The following PPP2R2C variants were observed in gnomAD, a reference collection of about 807,000 sequenced individuals.
The protein encoded by PPP2R2C is protein phosphatase 2 regulatory subunit Bgamma.
A neutral mutation model predicts 45.3 loss-of-function variants in PPP2R2C; 10 were observed. That is an observed-to-expected ratio of 0.22 (90% CI 0.14 to 0.37). The LOEUF (loss-of-function observed/expected upper bound fraction) is 0.37. PPP2R2C is among the 10% of genes least tolerant of loss of function. The probability of loss-of-function intolerance (pLI) is 1.00; values close to 1 mark genes in which losing one functional copy is unlikely to be tolerated. For synonymous variants in PPP2R2C, 257 were observed against 245.4 expected, an observed-to-expected ratio of 1.05 and a Z score of -0.44; for missense variants, 308 against 619.7, an observed-to-expected ratio of 0.50 and a Z score of 5.34.
At chr4:6,472,833 G>T (rs1019106582), upstream of PPP2R2C, among the ~76,000 whole-genome samples, 4 of 152,172 alleles carry the variant, frequency 2.6e-5, no homozygotes, top group South Asian at 2.1e-4. Context: ...GCTGAGCTTG[G>T]GGGGAGGGTA....
chr4:6,346,205 C>T (rs1711903432), intron 6 of PPP2R2C, among the ~76,000 whole-genome samples: 1 of 152,218 alleles, frequency 6.6e-6, no homozygotes, highest in South Asian at 2.1e-4. Context: ...CCCGGGGACC[C>T]TCTGCGGCGT....
intron 1 of PPP2R2C, among the ~76,000 whole-genome samples, chr4:6,388,617 G>A (rs559799170): frequency 1.2e-4 from 19 of 152,224 alleles, no homozygotes; most frequent in Non-Finnish European, 2.4e-4. Flanking sequence ...AGAATGAAGG[G>A]CAGGACGGGC....
rs553734061 is a variant in PPP2R2C at position 6,322,085 on chromosome 4, T to C, written c.*1217A>G. 4.4e-4 allele frequency: 66 copies of C among 151,272 alleles called. No individual in the cohort carries two copies. Among genetic ancestry groups the C allele is most frequent in the African/African-American group, 1.6e-3 (64 of 41,242 alleles). The allele number at this position is 151,272 out of a possible 1,614,324, so 9.4% of individuals were successfully genotyped here. A position where few individuals can be genotyped will look rare whatever the true frequency, so the allele number is the denominator to read the frequency against. On this transcript the variant is annotated 3_prime_UTR_variant, in exon 9 of 9. Transcript: ENST00000382599. The surrounding 1 kb of genome is among the most constrained non-coding windows in gnomAD (Gnocchi z 7.8). ...CTCTGTCTTCCATCCTGCGTCTCAG[T>C]TCTCCTGGACCCTTGTCGTCGCCAA...
intron 2 of PPP2R2C, among the ~76,000 whole-genome samples, chr4:6,491,755 C>T (rs112676785): frequency 0.03 from 4,583 of 152,232 alleles, 231 homozygotes; most frequent in African/African-American, 0.1. Context: ...ACGGCACTTC[C>T]CCCTTCTCTC....
intron 1 of PPP2R2C, among the ~76,000 whole-genome samples, chr4:6,390,291 C>A (rs1299213165): frequency 1.3e-5 from 2 of 152,160 alleles, no homozygotes; most frequent in Admixed American, 6.5e-5. Flanking sequence ...GGCCACAGGA[C>A]ATACAGCGGG....
At chr4:6,417,677 C>G (rs772542183) in intron 1 of PPP2R2C, among the ~76,000 whole-genome samples, 3 of 152,248 alleles carry the variant, frequency 2.0e-5, no homozygotes, top group Non-Finnish European at 4.4e-5. Context: ...ATGGCCACAT[C>G]CTTGCAGCAG....
chr4:6,528,202 T>G (rs1010687898), intron 2 of PPP2R2C, among the ~76,000 whole-genome samples: 2 of 152,134 alleles, frequency 1.3e-5, no homozygotes, highest in African/African-American at 4.8e-5. Context: ...AAACATCTCT[T>G]CCTCTTCCCG....
chr4:6,337,467 T>C (rs6830667), intron 6 of PPP2R2C, among the ~76,000 whole-genome samples: 88,503 of 151,642 alleles, frequency 0.58, 26,186 homozygotes, highest in Middle Eastern at 0.65. Context: ...AGGCTTTCTG[T>C]CACTTGGAGG....
At chr4:6,409,454 G>A (rs1313537571) in intron 1 of PPP2R2C, among the ~76,000 whole-genome samples, 1 of 152,140 alleles carries the variant, frequency 6.6e-6, no homozygotes, top group Admixed American at 6.5e-5. Context: ...TGGAGCGGAG[G>A]AACCGAGAAC....
chr4:6,337,112 G>GTGTGTGTGTA (rs1202845732), intron 6 of PPP2R2C, among the ~76,000 whole-genome samples: 11 of 30,100 alleles, frequency 3.7e-4, no homozygotes, highest in Admixed American at 1.0e-3. Flanking sequence ...ATGTGTGTGT[G>GTGTGTGTGTA]TATATATATA....
intron 2 of PPP2R2C, among the ~76,000 whole-genome samples, chr4:6,517,284 A>G (rs1723854678): frequency 6.6e-6 from 1 of 152,194 alleles, no homozygotes; most frequent in Admixed American, 6.5e-5. Flanking sequence ...TGCTGGGCAC[A>G]CAACTGAATC....
chr4:6,480,250 C>CT (rs1350698701), intron 2 of PPP2R2C, among the ~76,000 whole-genome samples: 2 of 152,138 alleles, frequency 1.3e-5, no homozygotes, highest in South Asian at 2.1e-4. Context: ...CTACAAACTG[C>CT]TTTTTTTCCT....
rs1721906040 is a variant in PPP2R2C, at chr4:6,471,885, G to A, written c.70+275C>T. Among the ~76,000 whole-genome samples, 1 of 151,778 alleles carries A rather than the reference G, an allele frequency of 6.6e-6. No homozygotes were observed. Among genetic ancestry groups the A allele is most frequent in the Non-Finnish European group, 1.5e-5 (1 of 67,940 alleles). ...CCGAATCAGGATGCCACCTGGCTTG[G>A]GAGAGGAAAGCTGCCTCCCGGAGGG... On this transcript the variant is annotated intron_variant, in intron 1 of 8. Coordinates refer to ENST00000382599, the MANE Select transcript of PPP2R2C (RefSeq NM_020416.4). The surrounding 1 kb of genome is among the most constrained non-coding windows in gnomAD (Gnocchi z 5.6).
At chr4:6,386,822 T>C (rs562245648) in intron 1 of PPP2R2C, among the ~76,000 whole-genome samples, 4 of 152,272 alleles carry the variant, frequency 2.6e-5, no homozygotes, top group South Asian at 4.1e-4. Context: ...ATGATAACTG[T>C]GTTAAAAGAC....
chr4:6,334,117 T>C (rs2109177193), intron 6 of PPP2R2C, among the ~76,000 whole-genome samples: 1 of 152,304 alleles, frequency 6.6e-6, no homozygotes, highest in Middle Eastern at 3.4e-3. Flanking sequence ...TCAAATGTGC[T>C]GGACAATGTC....
chr4:6,528,436 C>G (rs1724286190), intron 2 of PPP2R2C, among the ~76,000 whole-genome samples: 1 of 152,216 alleles, frequency 6.6e-6, no homozygotes, highest in Non-Finnish European at 1.5e-5. Context: ...TCCTGCAGAC[C>G]TAGGCAAGGT....
chr4:6,502,276 C>G (rs1477055072), intron 2 of PPP2R2C, among the ~76,000 whole-genome samples: 1 of 152,202 alleles, frequency 6.6e-6, no homozygotes, highest in Non-Finnish European at 1.5e-5. Flanking sequence ...TTGAAGTCCA[C>G]AGGGGCTTTC....
At chr4:6,480,017 C>A (rs1167112827) in intron 2 of PPP2R2C, among the ~76,000 whole-genome samples, 1 of 152,048 alleles carries the variant, frequency 6.6e-6, no homozygotes, top group African/African-American at 2.4e-5. Context: ...AGCTTTGCTT[C>A]GGTTCTTTTC....
In PPP2R2C at chr4:6,357,813, G is replaced by C. The variant is rs146395826; in HGVS notation, c.626-9803C>G. 4.9e-3 allele frequency among the ~76,000 whole-genome samples: 747 copies of C among 152,278 alleles called. 4 individuals carry two copies. In the Middle Eastern group the frequency reaches 0.054, roughly 11 times the overall value. ...CTGCACCTGGGGGAGTCAGCAAAGC[G>C]GGGTTTCTTCCACCCAAGAGTGAAG... On this transcript the variant is annotated intron_variant, in intron 5 of 8. Transcript: ENST00000382599.
Sources: allele counts gnomAD v4.1 joint callset (sites outside exome capture counted in the v4.1 genomes callset), GRCh38; gene constraint gnomAD v4.1.1; non-coding constraint Gnocchi (gnomAD v3.1); transcripts MANE v1.5; gene names NCBI Gene and HGNC (gene_info 2026-07-23, HGNC 2026-07-21).